Variants in PIGQ observed in about 807,000 individuals in gnomAD.
PIGQ encodes phosphatidylinositol glycan anchor biosynthesis class Q, also known as phosphatidylinositol N-acetylglucosaminyltransferase subunit Q.
In PIGQ, 54 loss-of-function variants were observed where a neutral mutation model predicts 60.3. The ratio of observed to expected loss-of-function variants is 0.90; its 90% CI spans 0.72 to 1.12. The LOEUF (loss-of-function observed/expected upper bound fraction) is 1.12, where lower values mean the gene tolerates loss of function less well. PIGQ is among the 50% of genes most tolerant of loss of function. PIGQ has a pLI of 0.00. For synonymous variants in PIGQ, 416 were observed against 363.7 expected, an observed-to-expected ratio of 1.14 and a Z score of -1.64; for missense variants, 799 against 793.5, an observed-to-expected ratio of 1.01 and a Z score of -0.08.
intron 5 of PIGQ, 36 bp from the exon 6 acceptor site, chr16:578,749 C>T: frequency 1.2e-6 from 2 of 1,604,704 alleles, no homozygotes; most frequent in Non-Finnish European, 8.5e-7. Context: ...GGGCTGGGGT[C>T]TGAGCGCCTC....
rs547151234 is a variant in PIGQ, at chr16:582,152, C to T, written c.1532-96C>T. The stretch of plus-strand genomic sequence containing the variant: ...GTGGGTGGCCACGGCCAGCAGCACC[C>T]GGGTGCCCCTCAGAGAGGAAGGTAC... On this transcript the variant is annotated intron_variant, in intron 9 of 10. Coordinates refer to ENST00000321878, the MANE Select transcript of PIGQ (RefSeq NM_004204.5). 7.5e-5 allele frequency: 67 copies of T among 898,622 alleles called. No individual in the cohort carries two copies. In the South Asian group the frequency reaches 7.5e-4, roughly 10 times the overall value. The allele number at this position is 898,622 out of a possible 1,614,324, so 55.7% of individuals were successfully genotyped here.
chr16:582,217 T>A, intron 9 of PIGQ, 31 bp from the exon 10 acceptor site: 1 of 1,491,844 alleles, frequency 6.7e-7, no homozygotes. Flanking sequence ...CCCCCACGCG[T>A]CCCCTCGTCA....
rs34937785 is a variant in PIGQ at position 579,445 on chromosome 16, C to T, written c.1335+265C>T. 65,847 of 324,460 alleles carry T rather than the reference C, an allele frequency of 0.2. 8,049 individuals carry two copies. The highest frequency in any genetic ancestry group is 0.32 in the African/African-American group (12,580 of 39,352). 20.1% of individuals were successfully genotyped at this position (324,460 alleles called of 1,614,324 possible). A position where few individuals can be genotyped will look rare whatever the true frequency, so the allele number is the denominator to read the frequency against. ...CACAGGCCCTAGAGGTGCCCCGGGC[C>T]CAGAGACTAGAGATGCCCCGGGCCC... On this transcript the variant is annotated intron_variant, in intron 7 of 10. Coordinates refer to ENST00000321878, the MANE Select transcript of PIGQ (RefSeq NM_004204.5).
At chr16:576,450 G>A (rs1006794085) in intron 4 of PIGQ, 196 bp downstream of exon 4, 2 of 654,914 alleles carry the variant, frequency 3.1e-6, no homozygotes, top group Non-Finnish European at 5.2e-6. Flanking sequence ...AGGCCTCGCA[G>A]GTACACCCCC....
At chr16:582,227 A>T in intron 9 of PIGQ, 21 bp from the exon 10 acceptor site, 2 of 1,533,216 alleles carry the variant, frequency 1.3e-6, no homozygotes, top group Admixed American at 1.8e-5. Context: ...TCCCCTCGTC[A>T]GCCGCTTGCT....
rs1366830869 is a variant in PIGQ, at chr16:575,838, G to C, written c.690-1G>C. The C allele has an allele frequency of 1.9e-6, 3 of 1,562,194 alleles. No individual in the cohort carries two copies. Among genetic ancestry groups the C allele is most frequent in the Non-Finnish European group, 2.6e-6 (3 of 1,153,072 alleles). On this transcript the variant is annotated splice_acceptor_variant, in intron 2 of 10. Coordinates refer to ENST00000321878, the MANE Select transcript of PIGQ (RefSeq NM_004204.5). LOFTEE classifies it high-confidence loss of function. ...CATCACTCCTCTCCACTCCCACGCA[G>C]AGTGTTCAAGCTCTGGCCCCTGTCC...
chr16:581,683 C>CG (rs936201364), intron 9 of PIGQ: 1 of 161,770 alleles, frequency 6.2e-6, no homozygotes, highest in Admixed American at 5.9e-5. Context: ...ACGCTGGTCT[C>CG]GAACTCCTGA....
In PIGQ at chr16:583,946, A is replaced by G. The variant is rs866232852; in HGVS notation, c.*911A>G. 1.6e-5 allele frequency: 7 copies of G among 441,606 alleles called. No individual in the cohort carries two copies. Among genetic ancestry groups the G allele is most frequent in the Non-Finnish European group, 2.6e-5 (6 of 234,904 alleles). 27.4% of individuals were successfully genotyped at this position (441,606 alleles called of 1,614,324 possible). On this transcript the variant is annotated 3_prime_UTR_variant, in exon 11 of 11. Coordinates refer to ENST00000321878, the MANE Select transcript of PIGQ (RefSeq NM_004204.5). The stretch of plus-strand genomic sequence containing the variant: ...TTCCCTGTGAGCCCGAGTCCGCTTC[A>G]GGAGGGGAGCCTGCAGGTGCCGGCT...
Position 573,586 on chromosome 16 carries a change from C to T in PIGQ, c.-9-480C>T, listed in dbSNP as rs916016210. On this transcript the variant is annotated intron_variant, in intron 1 of 10. Coordinates refer to ENST00000321878, the MANE Select transcript of PIGQ (RefSeq NM_004204.5). ...TTTTCATCTTTATTCTTGCTTAATACGTGAATCATGGTTTGTCAAGGTTTC... is the reference window on the plus strand; with the variant it reads ...TTTTCATCTTTATTCTTGCTTAATATGTGAATCATGGTTTGTCAAGGTTTC... Among the ~76,000 whole-genome samples, 9 of 152,232 alleles carry T rather than the reference C, an allele frequency of 5.9e-5. No homozygotes were observed. The South Asian group carries it at 6.2e-4, about 11-fold the overall frequency.
intron 1 of PIGQ, 89 bp downstream of exon 1, chr16:570,185 C>T (rs1351857983): frequency 1.3e-5 from 2 of 151,776 alleles, no homozygotes; most frequent in East Asian, 3.9e-4. Flanking sequence ...GCACTCCCGC[C>T]CGCGGCGCCG....
chr16:574,048 T>G lies in PIGQ; in HGVS notation c.-9-18T>G, dbSNP rs990211993. 8 of 1,554,544 alleles carry G rather than the reference T, an allele frequency of 5.1e-6. No individual in the cohort carries two copies. Among genetic ancestry groups the G allele is most frequent in the African/African-American group, 4.1e-5 (3 of 73,862 alleles). Reference sequence around the variant, plus strand: ...GGCAGCAGCAGCTCTGAGCCGAGCCTCTCCTCTTCTCTTCCAGCCTCCCGG... The same window carrying G: ...GGCAGCAGCAGCTCTGAGCCGAGCCGCTCCTCTTCTCTTCCAGCCTCCCGG... On this transcript the variant is annotated intron_variant, in intron 1 of 10. Transcript: ENST00000321878.
chr16:571,490 G>C (rs1408985915), intron 1 of PIGQ, among the ~76,000 whole-genome samples: 9 of 97,572 alleles, frequency 9.2e-5, no homozygotes, highest in Admixed American at 6.0e-4. Flanking sequence ...TGGTTAGCCT[G>C]TGTGTGTGTG....
chr16:582,495 A>G (rs1412801090), intron 10 of PIGQ, 186 bp downstream of exon 10: 18 of 588,258 alleles, frequency 3.1e-5, no homozygotes. Context: ...GCCTGAGGAC[A>G]CTGGTGTGGT....
chr16:583,376 TCCA>T lies in PIGQ; in HGVS notation c.*346_*348del. The T allele has an allele frequency of 3.1e-6, 5 of 1,612,490 alleles. No homozygotes were observed. Among genetic ancestry groups the T allele is most frequent in the Non-Finnish European group, 4.2e-6 (5 of 1,179,772 alleles). On this transcript the variant is annotated 3_prime_UTR_variant, in exon 11 of 11. Transcript: ENST00000321878. Reference sequence around the variant, plus strand: ...TGTGTACCCAGGTCCAGAGGGTCCGTCCACCACAGCAGCCCCAGGTGGAGGGCT... The same window carrying T: ...TGTGTACCCAGGTCCAGAGGGTCCGTCCACAGCAGCCCCAGGTGGAGGGCT...
intron 7 of PIGQ, chr16:579,830 C>G (rs924751481): frequency 1.2e-5 from 2 of 161,460 alleles, no homozygotes; most frequent in Non-Finnish European, 2.6e-5. Context: ...GCCCCGGGCC[C>G]GGAGACTAGA....
chr16:582,561 C>G (rs1383578807), intron 10 of PIGQ: 1 of 568,468 alleles, frequency 1.8e-6, no homozygotes, highest in East Asian at 2.8e-5. Flanking sequence ...CTGGCTGGGG[C>G]TGCCCTGGGC....
chr16:580,156 G>A (rs1483991696), intron 7 of PIGQ, 27 bp from the exon 8 acceptor site: 2 of 1,589,246 alleles, frequency 1.3e-6, no homozygotes, highest in South Asian at 2.3e-5. Context: ...TCCTGCTGAT[G>A]CCCGGTGTGC....
At position 573,003 on chromosome 16, in the gene PIGQ, G is replaced by A. The variant is rs566965825; in HGVS notation, c.-9-1063G>A. ...GTGTCTGAGGAAGGCGAGCGGCCCA[G>A]CCAGCCGGCCAGTAGTGCCCCCACC... On this transcript the variant is annotated intron_variant, in intron 1 of 10. Coordinates refer to ENST00000321878, the MANE Select transcript of PIGQ (RefSeq NM_004204.5). Among the ~76,000 whole-genome samples, 173 of 152,362 alleles carry A rather than the reference G, an allele frequency of 1.1e-3. 3 individuals carry two copies. The highest frequency in any genetic ancestry group is 3.7e-3 in the African/African-American group (152 of 41,588).
chr16:572,866 CA>C (rs1374425363), intron 1 of PIGQ, among the ~76,000 whole-genome samples: 1 of 152,264 alleles, frequency 6.6e-6, no homozygotes, highest in East Asian at 1.9e-4. Context: ...CTGGGACCTC[CA>C]GACCCAGGCT....
Sources: gnomAD v4.1 joint callset for allele counts (sites outside exome capture counted in the v4.1 genomes callset) on GRCh38, gnomAD v4.1.1 for gene constraint, MANE v1.5 for transcripts, NCBI Gene and HGNC (gene_info 2026-07-23, HGNC 2026-07-21) for gene names.